The following CADPS variants were observed in gnomAD, a reference collection of about 807,000 sequenced individuals.
CADPS encodes calcium-dependent secretion activator 1.
Under a neutral mutation model 167.3 loss-of-function variants are expected in CADPS, and 57 were observed. The ratio of observed to expected loss-of-function variants is 0.34; its 90% CI spans 0.28 to 0.42. The LOEUF (loss-of-function observed/expected upper bound fraction) is 0.42. Among genes scored for constraint, CADPS ranks in the 20% least tolerant of loss-of-function variants. The pLI, the probability that CADPS is intolerant of heterozygous loss-of-function variation, is 1.00. For synonymous variants in CADPS, 676 were observed against 635.3 expected (o/e 1.06, Z -0.96); for missense variants, 1,414 against 1,738.1 (o/e 0.81, Z 3.32).
At chr3:62,444,337 C>T (rs1447850262) in intron 27 of CADPS, among the ~76,000 whole-genome samples, 1 of 152,190 alleles carries the variant, frequency 6.6e-6, no homozygotes. Flanking sequence ...GTGTCCTTCT[C>T]CTGGACTGAA....
At chr3:62,648,410 G>A (rs2069085936) in intron 5 of CADPS, among the ~76,000 whole-genome samples, 1 of 152,068 alleles carries the variant, frequency 6.6e-6, no homozygotes, top group South Asian at 2.1e-4. Flanking sequence ...AGCAGGGCAT[G>A]GTGGTGCACA....
At chr3:62,650,642 T>C (rs1270524286) in intron 5 of CADPS, among the ~76,000 whole-genome samples, 1 of 152,150 alleles carries the variant, frequency 6.6e-6, no homozygotes, top group Non-Finnish European at 1.5e-5. Flanking sequence ...TAGTAGGTGG[T>C]TTTCAGATTG....
intron 1 of CADPS, among the ~76,000 whole-genome samples, chr3:62,826,356 T>C (rs1229132483): frequency 1.3e-5 from 2 of 152,132 alleles, no homozygotes; most frequent in Non-Finnish European, 2.9e-5. Context: ...CTGAATCAGG[T>C]TGATGGACTG....
chr3:62,448,575 T>G (rs2057558050), intron 26 of CADPS, among the ~76,000 whole-genome samples: 1 of 152,038 alleles, frequency 6.6e-6, no homozygotes, highest in Non-Finnish European at 1.5e-5. Context: ...TATTATTATT[T>G]AGAGACATGT....
At chr3:62,683,165 C>CT (rs1199096936) in intron 3 of CADPS, among the ~76,000 whole-genome samples, 1 of 151,894 alleles carries the variant, frequency 6.6e-6, no homozygotes, top group African/African-American at 2.4e-5. Flanking sequence ...CTAAGCGTCT[C>CT]TATGAACATG....
At chr3:62,532,828 C>T (rs1292850343) in intron 13 of CADPS, 43 bp downstream of exon 13, 1 of 1,581,804 alleles carries the variant, frequency 6.3e-7, no homozygotes, top group Non-Finnish European at 8.7e-7. Flanking sequence ...TTGCCAGTGC[C>T]ATTTCTTAAG....
chr3:62,567,999 G>A (rs945461166), intron 9 of CADPS, among the ~76,000 whole-genome samples: 4 of 152,138 alleles, frequency 2.6e-5, no homozygotes, highest in African/African-American at 9.7e-5. Context: ...GATTTTGCAT[G>A]AAAGACAATC....
intron 1 of CADPS, among the ~76,000 whole-genome samples, chr3:62,842,221 TTA>T: frequency 6.6e-6 from 1 of 152,292 alleles, no homozygotes; most frequent in East Asian, 1.9e-4. Context: ...TTTACGTATA[TTA>T]TCTCATCTAA....
intron 1 of CADPS, among the ~76,000 whole-genome samples, chr3:62,872,842 A>G (rs2082875133): frequency 1.3e-5 from 2 of 152,204 alleles, no homozygotes; most frequent in South Asian, 2.1e-4. Flanking sequence ...ACTTAAAGTC[A>G]CAGTTTTCAT....
intron 21 of CADPS, among the ~76,000 whole-genome samples, chr3:62,483,336 G>C (rs866165563): frequency 2.3e-5 from 3 of 131,380 alleles, no homozygotes; most frequent in Non-Finnish European, 4.9e-5. Flanking sequence ...GGGAGTGGGG[G>C]AGTGGGGGAG....
chr3:62,524,848 A>G (rs2071658786), intron 13 of CADPS, among the ~76,000 whole-genome samples: 1 of 152,192 alleles, frequency 6.6e-6, no homozygotes, highest in South Asian at 2.1e-4. Context: ...TTTACCCCCA[A>G]GAGGACCAAT....
At chr3:62,644,060 C>A (rs1281396144) in intron 6 of CADPS, among the ~76,000 whole-genome samples, 1 of 152,214 alleles carries the variant, frequency 6.6e-6, no homozygotes, top group Non-Finnish European at 1.5e-5. Flanking sequence ...GCATCTGAGG[C>A]TTTTGCCTAT....
At position 62,601,330 on chromosome 3, in the gene CADPS, G is replaced by A. The variant is rs1215056552; in HGVS notation, c.1326-8582C>T. 6.6e-6 allele frequency among the ~76,000 whole-genome samples: 1 copy of A among 152,158 alleles called. No homozygotes were observed. The highest frequency in any genetic ancestry group is 1.9e-4 in the East Asian group (1 of 5,194). On this transcript the variant is annotated intron_variant, in intron 6 of 29. Transcript: ENST00000383710. This position sits in a 1 kb window ranked among gnomAD's most constrained non-coding sequence, Gnocchi z 4.3. ...TCTTTTGTGCAGCAATGGCAGAATTGAGTAGTTATGACAGAGAATATAGGG... is the reference window on the plus strand; with the variant it reads ...TCTTTTGTGCAGCAATGGCAGAATTAAGTAGTTATGACAGAGAATATAGGG...
intron 24 of CADPS, among the ~76,000 whole-genome samples, chr3:62,471,350 T>C (rs1403708595): frequency 6.6e-6 from 1 of 152,218 alleles, no homozygotes; most frequent in Non-Finnish European, 1.5e-5. Flanking sequence ...TGTCTCCAAC[T>C]GGGGTCTATG....
At chr3:62,464,339 T>A (rs528221202) in intron 26 of CADPS, among the ~76,000 whole-genome samples, 1 of 152,216 alleles carries the variant, frequency 6.6e-6, no homozygotes, top group Non-Finnish European at 1.5e-5. Flanking sequence ...GTCTTGGCAT[T>A]CAGTCACTAT....
At chr3:62,733,892 C>T (rs1306501673) in intron 3 of CADPS, among the ~76,000 whole-genome samples, 1 of 152,120 alleles carries the variant, frequency 6.6e-6, no homozygotes, top group African/African-American at 2.4e-5. Flanking sequence ...CATTTTTATG[C>T]CTTTGCATCC....
At chr3:62,673,253 T>A (rs2075835248) in intron 3 of CADPS, among the ~76,000 whole-genome samples, 1 of 152,206 alleles carries the variant, frequency 6.6e-6, no homozygotes. Flanking sequence ...TTTGAGGAGT[T>A]AAGGTGATGT....
At chr3:62,431,559 G>A (rs2053957758) in intron 28 of CADPS, among the ~76,000 whole-genome samples, 1 of 149,122 alleles carries the variant, frequency 6.7e-6, no homozygotes, top group South Asian at 2.1e-4. Flanking sequence ...CAGCAAATCA[G>A]TTCTATGTTT....
chr3:62,750,292 A>T (rs926235820), intron 3 of CADPS, among the ~76,000 whole-genome samples: 1 of 129,512 alleles, frequency 7.7e-6, no homozygotes, highest in Admixed American at 9.6e-5. Context: ...TGGAGGTTGC[A>T]GTGAGCTAAG....
Sources: allele counts gnomAD v4.1 joint callset (sites outside exome capture counted in the v4.1 genomes callset), GRCh38; gene constraint gnomAD v4.1.1; non-coding constraint Gnocchi (gnomAD v3.1); transcripts MANE v1.5; gene names NCBI Gene and HGNC (gene_info 2026-07-23, HGNC 2026-07-21).